Variants in DSCAML1 observed in about 807,000 individuals in gnomAD.
DSCAML1 encodes the protein DS cell adhesion molecule like 1.
Under a neutral mutation model 200.5 loss-of-function variants are expected in DSCAML1, and 38 were observed. The ratio of observed to expected loss-of-function variants is 0.19; its 90% confidence interval spans 0.15 to 0.25. The LOEUF is 0.25. Among genes scored for constraint, DSCAML1 ranks in the 10% least tolerant of loss-of-function variants. The pLI, the probability that DSCAML1 is intolerant of heterozygous loss-of-function variation, is 1.00. For synonymous variants in DSCAML1, 1,215 were observed against 1,165.0 expected (o/e 1.04, Z -0.87); for missense variants, 2,223 against 2,858.8 (o/e 0.78, Z 5.07).
At chr11:117,691,349 C>A (rs181850238) in intron 3 of DSCAML1, among the ~76,000 whole-genome samples, 1 of 152,158 alleles carries the variant, frequency 6.6e-6, no homozygotes, top group African/African-American at 2.4e-5. Context: ...TAAGTGCTAC[C>A]TAGCCCTCTG....
chr11:117,772,015 G>A (rs1591493390), intron 3 of DSCAML1, among the ~76,000 whole-genome samples: 1 of 152,104 alleles, frequency 6.6e-6, no homozygotes, highest in South Asian at 2.1e-4. Context: ...CAGAATGAAG[G>A]CAGGGCTCCA....
chr11:117,473,691 A>G (rs1210011725), intron 14 of DSCAML1, among the ~76,000 whole-genome samples: 2 of 152,152 alleles, frequency 1.3e-5, no homozygotes, highest in Admixed American at 1.3e-4. Context: ...CCCCATCTGT[A>G]GTTTTGCATT....
intron 23 of DSCAML1, 48 bp from the exon 24 acceptor site, chr11:117,439,031 A>G: frequency 1.3e-6 from 2 of 1,543,824 alleles, no homozygotes; most frequent in Non-Finnish European, 1.8e-6. Flanking sequence ...GGACCCTGTG[A>G]TGGGGTGTGG....
chr11:117,776,647 G>C (rs561466779), intron 3 of DSCAML1, 144 bp downstream of exon 3: 5 of 984,548 alleles, frequency 5.1e-6, no homozygotes, highest in African/African-American at 5.0e-5. Flanking sequence ...TTTGGCCAAA[G>C]CTTCACCAGA....
chr11:117,602,113 C>G (rs957525056), intron 3 of DSCAML1, among the ~76,000 whole-genome samples: 18 of 152,286 alleles, frequency 1.2e-4, no homozygotes, highest in African/African-American at 4.3e-4. Flanking sequence ...GCAGCCTCAG[C>G]TGGGCATGGC....
intron 3 of DSCAML1, among the ~76,000 whole-genome samples, chr11:117,703,284 C>T (rs540458088): frequency 3.2e-4 from 48 of 152,290 alleles, no homozygotes; most frequent in African/African-American, 1.0e-3. Flanking sequence ...CTTCACCACC[C>T]GCCTAACACT....
chr11:117,805,943 G>A (rs973611261), intron 1 of DSCAML1, among the ~76,000 whole-genome samples: 1 of 152,208 alleles, frequency 6.6e-6, no homozygotes, highest in East Asian at 1.9e-4. Context: ...GCTGGCAGGT[G>A]AAGGGCGTCC....
chr11:117,521,389 G>A lies in DSCAML1; in HGVS notation c.954C>T (p.Thr318=), dbSNP rs1279830951. The A allele has an allele frequency of 4.3e-6, 7 of 1,613,616 alleles. No individual in the cohort carries two copies. The highest frequency in any genetic ancestry group is 5.9e-6 in the Non-Finnish European group (7 of 1,179,652). The change falls in exon 6 of 33, where the codon ACC becomes ACT. Residue 318 remains threonine (T), a synonymous_variant. Transcript: ENST00000651296. ...ILMVIDPLHV[T]LTPKKLKTGI... ...CGGTCTTCAGCTTCTTTGGTGTCAGGGTCACATGAAGGGGATCTGGGCCGG... is the reference window on the plus strand; with the variant it reads ...CGGTCTTCAGCTTCTTTGGTGTCAGAGTCACATGAAGGGGATCTGGGCCGG...
intron 3 of DSCAML1, among the ~76,000 whole-genome samples, chr11:117,650,700 T>C (rs1941391): frequency 0.025 from 3,706 of 147,450 alleles, 116 homozygotes; most frequent in African/African-American, 0.068. Context: ...TGTGTGTGTG[T>C]GCGTGTGTGT....
chr11:117,675,487 T>A, intron 3 of DSCAML1, among the ~76,000 whole-genome samples: 1 of 148,446 alleles, frequency 6.7e-6, no homozygotes, highest in Non-Finnish European at 1.5e-5. Context: ...TTTTTTTTTT[T>A]TTTTTTTTTT....
At chr11:117,759,008 C>A (rs1171502916) in intron 3 of DSCAML1, among the ~76,000 whole-genome samples, 1 of 152,180 alleles carries the variant, frequency 6.6e-6, no homozygotes, top group Non-Finnish European at 1.5e-5. Context: ...AACACACACG[C>A]TGATATGCAC....
intron 8 of DSCAML1, among the ~76,000 whole-genome samples, chr11:117,514,573 T>G (rs1342226594): frequency 8.7e-5 from 1 of 11,500 alleles, no homozygotes; most frequent in Non-Finnish European, 1.5e-4. Flanking sequence ...TTTCTTTTTC[T>G]TTTTTTTTTT....
intron 32 of DSCAML1, among the ~76,000 whole-genome samples, chr11:117,429,027 T>G (rs541854056): frequency 9.8e-5 from 15 of 152,306 alleles, no homozygotes; most frequent in African/African-American, 3.4e-4. Context: ...CCCACAGGAT[T>G]ATTGTGAGGA....
intron 3 of DSCAML1, among the ~76,000 whole-genome samples, chr11:117,545,208 C>T (rs1205859998): frequency 5.4e-5 from 8 of 148,964 alleles, no homozygotes; most frequent in African/African-American, 2.0e-4. Flanking sequence ...CTAGCCTGGG[C>T]GACAGAGCAA....
At chr11:117,669,557 C>T (rs951546142) in intron 3 of DSCAML1, among the ~76,000 whole-genome samples, 7 of 152,144 alleles carry the variant, frequency 4.6e-5, no homozygotes. Flanking sequence ...ACAGACATGG[C>T]CCTAGTGCTG....
chr11:117,792,524 G>A (rs572699276), intron 1 of DSCAML1, among the ~76,000 whole-genome samples: 1 of 151,810 alleles, frequency 6.6e-6, no homozygotes, highest in East Asian at 1.9e-4. Context: ...GCTGCCCTAG[G>A]GGAGGTGGAA....
chr11:117,708,742 G>A (rs1307067605), intron 3 of DSCAML1, among the ~76,000 whole-genome samples: 2 of 152,180 alleles, frequency 1.3e-5, no homozygotes, highest in Non-Finnish European at 2.9e-5. Context: ...TGTAAGAGGT[G>A]GTACATTACA....
intron 3 of DSCAML1, among the ~76,000 whole-genome samples, chr11:117,740,635 T>C (rs1484397994): frequency 6.6e-6 from 1 of 152,084 alleles, no homozygotes; most frequent in Non-Finnish European, 1.5e-5. Flanking sequence ...ACTGCCCAGG[T>C]ATCATGCAAA....
chr11:117,725,745 G>A (rs1219060081), intron 3 of DSCAML1, among the ~76,000 whole-genome samples: 2 of 152,168 alleles, frequency 1.3e-5, no homozygotes, highest in Non-Finnish European at 2.9e-5. Context: ...GGGGTTGGGG[G>A]AATTGTCCGG....
Sources: allele counts gnomAD v4.1 joint callset (sites outside exome capture counted in the v4.1 genomes callset), GRCh38; gene constraint gnomAD v4.1.1; transcripts MANE v1.5; gene names NCBI Gene and HGNC (gene_info 2026-07-23, HGNC 2026-07-21).